INF2: variants seen among roughly 807,000 people sequenced by gnomAD.
INF2 encodes inverted formin-2.
A neutral mutation model predicts 123.5 loss-of-function variants in INF2; 43 were observed. That is an observed-to-expected ratio of 0.35 (90% confidence interval 0.27 to 0.45). The LOEUF is 0.45. Among genes scored for constraint, INF2 ranks in the 20% least tolerant of loss-of-function variants. The probability of loss-of-function intolerance (pLI) is 1.00; values close to 1 mark genes in which losing one functional copy is unlikely to be tolerated. For synonymous variants in INF2, 851 were observed against 745.0 expected (o/e 1.14, Z -2.32); for missense variants, 1,453 against 1,682.7 (o/e 0.86, Z 2.39).
intron 22 of INF2, 82 bp downstream of exon 22, chr14:104,715,422 G>C: frequency 7.8e-7 from 1 of 1,280,864 alleles, no homozygotes; most frequent in Non-Finnish European, 1.1e-6. Flanking sequence ...ACACCCCTCC[G>C]GGACACTAAC....
chr14:104,682,036 C>T (rs1231907886), intron 1 of INF2, among the ~76,000 whole-genome samples: 1 of 152,102 alleles, frequency 6.6e-6, no homozygotes, highest in Non-Finnish European at 1.5e-5. Context: ...GTGGGGGTCC[C>T]AGAAGAGCCA....
rs1317822226 is a variant in INF2, at chr14:104,718,953, G to A, written c.*160G>A. ...CCGGGGCCCTCCTGGAGCCTTCTTG[G>A]GGTGTTGTGGCTGGGAACCCGACAG... On this transcript the variant is annotated 3_prime_UTR_variant, in exon 23 of 23. Transcript: ENST00000392634. 7.0e-7 allele frequency: 1 copy of A among 1,426,080 alleles called. No individual in the cohort carries two copies. Among genetic ancestry groups the A allele is most frequent in the East Asian group, 2.6e-5 (1 of 39,188 alleles). 88.3% of individuals were successfully genotyped at this position (1,426,080 alleles called of 1,614,324 possible). A position where few individuals can be genotyped will look rare whatever the true frequency, so the allele number is the denominator to read the frequency against.
intron 1 of INF2, among the ~76,000 whole-genome samples, chr14:104,698,572 A>G (rs1889313819): frequency 6.6e-6 from 1 of 152,240 alleles, no homozygotes; most frequent in African/African-American, 2.4e-5. Flanking sequence ...GATGAGACAA[A>G]AATCACAGAA....
Position 104,703,360 on chromosome 14 carries a change from G to T in INF2, c.573G>T (p.Val191=), listed in dbSNP as rs2140648363. 6.2e-7 allele frequency: 1 copy of T among 1,613,010 alleles called. No homozygotes were observed. ...VMNELSGSDN[V]PYVVTLLSVI... ...ACGAGCTCTCCGGCAGCGACAACGT[G>T]CCCTACGTGGTCACCCTGCTTAGCG... The change falls in exon 4 of 23, where the codon GTG becomes GTT. Residue 191 remains valine (V), a synonymous_variant. Transcript: ENST00000392634.
chr14:104,703,502 C>T (rs944972587), intron 4 of INF2, 48 bp downstream of exon 4: 2 of 1,599,074 alleles, frequency 1.3e-6, no homozygotes, highest in African/African-American at 2.7e-5. Context: ...CGCCTCTTGG[C>T]CAGTGCATCC....
chr14:104,692,772 G>A (rs1482743690), intron 1 of INF2, among the ~76,000 whole-genome samples: 11 of 152,258 alleles, frequency 7.2e-5, no homozygotes, highest in Non-Finnish European at 8.8e-5. Flanking sequence ...GATGACTAGC[G>A]TGAAGGCCCT....
intron 1 of INF2, among the ~76,000 whole-genome samples, chr14:104,700,434 G>A (rs980671440): frequency 6.6e-6 from 1 of 152,140 alleles, no homozygotes; most frequent in African/African-American, 2.4e-5. Context: ...GAGGCTCCAC[G>A]CTGCTGTTCT....
chr14:104,710,074 T>G lies in INF2; in HGVS notation c.2139-14T>G. ...GGGGTGCAGGCCACTGATCCCTGTC[T>G]GTGCCATCCCCAGCTACCAGCTGCG... On this transcript the variant is annotated splice_polypyrimidine_tract_variant and intron_variant, in intron 12 of 22. Coordinates refer to ENST00000392634, the MANE Select transcript of INF2 (RefSeq NM_022489.4). 6.5e-7 allele frequency: 1 copy of G among 1,544,828 alleles called. No homozygotes were observed. Among genetic ancestry groups the G allele is most frequent in the Non-Finnish European group, 8.8e-7 (1 of 1,142,784 alleles).
chr14:104,709,329 G>A lies in INF2; in HGVS notation c.1998G>A (p.Lys666=). ...AAMIRAGDTT[K]FDVEVLKQLL... ...TGATCCGGGCTGGAGATACCACCAA[G>A]TTTGATGTGGAGGTTCTCAAACAAC... Residue 666 remains lysine, a synonymous_variant, in exon 11 of 23, where the codon AAG becomes AAA. Transcript: ENST00000392634. The A allele has an allele frequency of 6.2e-7, 1 of 1,613,168 alleles. No homozygotes were observed. The highest frequency in any genetic ancestry group is 8.5e-7 in the Non-Finnish European group (1 of 1,179,848).
upstream of INF2, chr14:104,689,590 T>TACCCC: frequency 4.9e-4 from 318 of 646,892 alleles, no homozygotes; most frequent in Middle Eastern, 8.4e-4. Flanking sequence ...CTCCTCTTCC[T>TACCCC]CCCGCCCGCC....
In INF2 at chr14:104,719,919, CA is replaced by C. The variant is rs992127484; in HGVS notation, c.*1127del. 28 of 152,522 alleles carry C rather than the reference CA, an allele frequency of 1.8e-4. No homozygotes were observed. The highest frequency in any genetic ancestry group is 3.4e-3 in the Middle Eastern group (1 of 294). 9.4% of individuals were successfully genotyped at this position (152,522 alleles called of 1,614,324 possible). On this transcript the variant is annotated 3_prime_UTR_variant, in exon 23 of 23. Transcript: ENST00000392634. The stretch of plus-strand genomic sequence containing the variant: ...CAGTGGTGAGATGGGTGCAGCTCTA[CA>C]GGGGCGTAATTTACAAACCACCAGA...
chr14:104,689,993 C>G (rs1888860614), intron 1 of INF2: 1 of 152,862 alleles, frequency 6.5e-6, no homozygotes, highest in Non-Finnish European at 1.5e-5. Flanking sequence ...GCGCACTGGC[C>G]GCAGAGTGGT....
chr14:104,687,479 TAC>T (rs5811149), upstream of INF2, among the ~76,000 whole-genome samples: 4 of 131,842 alleles, frequency 3.0e-5, no homozygotes, highest in Non-Finnish European at 5.0e-5. The surrounding 1 kb of genome is among the most constrained non-coding windows in gnomAD (Gnocchi z 5.6). Context: ...CACACACACA[TAC>T]ACACACACAC....
rs770337742 is a variant in INF2, at chr14:104,713,619, C to G, written c.3040+13C>G. The G allele has an allele frequency of 1.2e-6, 2 of 1,610,902 alleles. No individual in the cohort carries two copies. Among genetic ancestry groups the G allele is most frequent in the East Asian group, 4.5e-5 (2 of 44,832 alleles). ...GCCACAGAGCCTGGTAAGACCCTCT[C>G]CCACTGCCTCCTCATGGTCCCCTTG... On this transcript the variant is annotated intron_variant, in intron 20 of 22. Transcript: ENST00000392634.
chr14:104,708,783 C>A, intron 10 of INF2, 51 bp downstream of exon 10: 3 of 1,578,758 alleles, frequency 1.9e-6, no homozygotes, highest in Non-Finnish European at 2.6e-6. Context: ...TCGCCTCCAC[C>A]TGAGCCTTCT....
At position 104,714,751 on chromosome 14, in the gene INF2, G is replaced by T. The variant is rs1309081804; in HGVS notation, c.3589G>T (p.Ala1197Ser). The change falls in exon 21 of 23, where the codon GCG becomes TCG. Residue 1197 changes from alanine to serine, a missense_variant. By Grantham distance (99) the Ala-to-Ser change is moderately conservative. Around this residue, in one of 8 missense-constraint regions of INF2, gnomAD observed 344 missense variants for 333.1 expected, o/e 1.03. Transcript: ENST00000392634. ...TSLDKSFSED[A>S]VTDSSGSGTL... is the part of the protein sequence containing the mutation. ...CCTGGACAAGTCCTTCTCCGAGGAT[G>T]CGGTGACCGACTCCTCGGGGTCGGG... is the stretch of plus-strand genomic sequence containing the variant. The T allele has an allele frequency of 6.2e-7, 1 of 1,601,890 alleles. No individual in the cohort carries two copies. The highest frequency in any genetic ancestry group is 2.2e-5 in the East Asian group (1 of 44,732).
At chr14:104,706,240 A>C (rs1889775650) in intron 6 of INF2, 64 bp downstream of exon 6, 1 of 1,480,916 alleles carries the variant, frequency 6.8e-7, no homozygotes, top group Non-Finnish European at 9.1e-7. Context: ...TGAGGTCCAG[A>C]GGCTGGGCCT....
chr14:104,682,346 C>G (rs927359697), intron 1 of INF2, among the ~76,000 whole-genome samples: 1 of 152,198 alleles, frequency 6.6e-6, no homozygotes, highest in Non-Finnish European at 1.5e-5. Flanking sequence ...ACCTCCCACC[C>G]TGGAAGAGCT....
Position 104,713,537 on chromosome 14 carries a change from C to T in INF2, c.2971C>T (p.Arg991Trp), listed in dbSNP as rs756944015. Residue 991 changes from arginine to tryptophan, a missense_variant, in exon 20 of 23, where the codon CGG becomes TGG. Arg to Trp is a moderately radical substitution (Grantham distance 101). This residue lies in a region of INF2 where 212 missense variants were observed against 266.2 expected (regional missense o/e 0.80). Transcript: ENST00000392634. Reference sequence around the variant, plus strand: ...GGGCTTCCAGCTGCGGAAGACAGCCCGGGGCCGCGGGGACACCGACGGGGG... The same window carrying T: ...GGGCTTCCAGCTGCGGAAGACAGCCTGGGGCCGCGGGGACACCGACGGGGG... ...RKGFQLRKTARGRGDTDGGSK... is the reference protein window; with the variant it reads ...RKGFQLRKTAWGRGDTDGGSK... The T allele has an allele frequency of 5.0e-6, 8 of 1,611,296 alleles. No homozygotes were observed. Among genetic ancestry groups the T allele is most frequent in the East Asian group, 4.5e-5 (2 of 44,850 alleles).
Sources: allele counts gnomAD v4.1 joint callset (sites outside exome capture counted in the v4.1 genomes callset), GRCh38; gene constraint gnomAD v4.1.1; regional missense constraint gnomAD v4.1.1; non-coding constraint Gnocchi (gnomAD v3.1); transcripts MANE v1.5; gene names NCBI Gene and HGNC (gene_info 2026-07-23, HGNC 2026-07-21).